SLC39A11: variants seen among roughly 807,000 people sequenced by gnomAD.
SLC39A11 encodes the protein zinc transporter ZIP11.
In SLC39A11, 33 loss-of-function variants were observed where a neutral mutation model predicts 36.1. The observed-to-expected ratio is 0.91, with a 90% CI of 0.69 to 1.22. SLC39A11 has a LOEUF of 1.22. Ranked by LOEUF, SLC39A11 falls within the 50% of genes most tolerant of loss-of-function variation. SLC39A11 has a pLI of 0.00. For synonymous variants in SLC39A11, 166 were observed against 170.3 expected, an observed-to-expected ratio of 0.97 and a Z score of 0.20; for missense variants, 432 against 430.3, an observed-to-expected ratio of 1.00 and a Z score of -0.03.
At chr17:72,871,927 C>T (rs1206556935) in intron 5 of SLC39A11, among the ~76,000 whole-genome samples, 4 of 152,126 alleles carry the variant, frequency 2.6e-5, no homozygotes, top group Non-Finnish European at 5.9e-5. Flanking sequence ...TCTGTGGGAC[C>T]TGTTGCTGTC....
chr17:72,954,592 G>A (rs1489581113), intron 4 of SLC39A11, among the ~76,000 whole-genome samples: 2 of 152,180 alleles, frequency 1.3e-5, no homozygotes. Flanking sequence ...AGACACACAA[G>A]GCAACGTTCA....
At chr17:72,987,119 C>T (rs2088823147) in intron 4 of SLC39A11, among the ~76,000 whole-genome samples, 2 of 152,170 alleles carry the variant, frequency 1.3e-5, no homozygotes, top group Admixed American at 1.3e-4. Context: ...CAGGAGAGCA[C>T]TGGTTGTTTG....
At chr17:72,729,408 TATATA>T (rs2074069327) in intron 7 of SLC39A11, among the ~76,000 whole-genome samples, 112 of 4,444 alleles carry the variant, frequency 0.025, 14 homozygotes, top group South Asian at 0.031. Context: ...TGGCTATTTA[TATATA>T]TATATATATA....
chr17:72,764,564 GACT>G (rs1234112759), intron 6 of SLC39A11, among the ~76,000 whole-genome samples: 1 of 151,990 alleles, frequency 6.6e-6, no homozygotes, highest in East Asian at 1.9e-4. Flanking sequence ...CCCTCTTTCT[GACT>G]CATGCAATAA....
At chr17:72,990,636 C>T (rs984039914) in intron 4 of SLC39A11, among the ~76,000 whole-genome samples, 2 of 152,108 alleles carry the variant, frequency 1.3e-5, no homozygotes, top group African/African-American at 4.8e-5. Flanking sequence ...CCATGTTGGC[C>T]AGGCTGGTCT....
chr17:72,987,930 G>T (rs1034253911), intron 4 of SLC39A11, among the ~76,000 whole-genome samples: 1 of 152,180 alleles, frequency 6.6e-6, no homozygotes, highest in African/African-American at 2.4e-5. Flanking sequence ...CTCTTGGCAT[G>T]AATGGTTTAA....
chr17:72,821,045 G>C (rs1253770249), intron 6 of SLC39A11, among the ~76,000 whole-genome samples: 2 of 151,012 alleles, frequency 1.3e-5, no homozygotes. Context: ...CAGATTGAAT[G>C]GTCTCTCCTC....
intron 4 of SLC39A11, among the ~76,000 whole-genome samples, chr17:73,029,684 C>T (rs1000713570): frequency 1.3e-5 from 2 of 151,898 alleles, no homozygotes; most frequent in African/African-American, 4.8e-5. Flanking sequence ...CAGGTTCAAG[C>T]GATTCTCATG....
At chr17:72,848,720 T>TA (rs35460918) in intron 6 of SLC39A11, among the ~76,000 whole-genome samples, 12,595 of 144,260 alleles carry the variant, frequency 0.087, 659 homozygotes, top group South Asian at 0.17. Flanking sequence ...GACTCTGTCT[T>TA]AAAAAAAAAA....
intron 7 of SLC39A11, among the ~76,000 whole-genome samples, chr17:72,681,476 C>G (rs2071506851): frequency 6.6e-6 from 1 of 152,192 alleles, no homozygotes; most frequent in Non-Finnish European, 1.5e-5. Context: ...CCAGTGGAGG[C>G]TGGTGGCAGG....
rs1454439560 is a variant in SLC39A11, at chr17:72,922,976, A to AAC, written c.430+24775_430+24776insGT. On this transcript the variant is annotated intron_variant, in intron 5 of 9. Transcript: ENST00000255559. ...ACTCCTTCTCAAAAAAAAAAAAAAA[A>AAC]AAAAAAAAAAAAAACACACAGAAAA... Among the ~76,000 whole-genome samples the AAC allele has an allele frequency of 6.7e-5, 10 of 148,748 alleles. 1 individual carries two copies. The highest frequency in any genetic ancestry group is 2.1e-4 in the South Asian group (1 of 4,660).
chr17:72,922,981 AAAAAAAAAAC>A (rs1225179567), intron 5 of SLC39A11, among the ~76,000 whole-genome samples: 4 of 145,844 alleles, frequency 2.7e-5, no homozygotes, highest in African/African-American at 5.2e-5. Flanking sequence ...AAAAAAAAAA[AAAAAAAAAAC>A]ACACAGAAAA....
chr17:72,989,279 G>C (rs1028237852), intron 4 of SLC39A11, among the ~76,000 whole-genome samples: 1 of 152,196 alleles, frequency 6.6e-6, no homozygotes, highest in Non-Finnish European at 1.5e-5. Context: ...GCCAGATCTT[G>C]GCTGTATTTC....
intron 5 of SLC39A11, among the ~76,000 whole-genome samples, chr17:72,856,616 G>A (rs2079652636): frequency 1.3e-5 from 2 of 152,020 alleles, no homozygotes; most frequent in South Asian, 2.1e-4. Context: ...CTTTCCTTAT[G>A]GAACTATGTA....
chr17:72,757,306 T>C (rs1406749887), intron 6 of SLC39A11, among the ~76,000 whole-genome samples: 2 of 152,160 alleles, frequency 1.3e-5, no homozygotes, highest in East Asian at 3.9e-4. Flanking sequence ...AGGAATCCCA[T>C]GAGCCAGGAC....
intron 4 of SLC39A11, among the ~76,000 whole-genome samples, chr17:72,986,037 T>TC (rs2088722474): frequency 6.6e-6 from 1 of 152,146 alleles, no homozygotes; most frequent in Non-Finnish European, 1.5e-5. Flanking sequence ...AGCTCATCCT[T>TC]CCCTGGAGCC....
chr17:72,728,961 C>T (rs1440270465), intron 7 of SLC39A11, among the ~76,000 whole-genome samples: 4 of 152,156 alleles, frequency 2.6e-5, no homozygotes, highest in African/African-American at 9.7e-5. Flanking sequence ...GGGATCAGTC[C>T]TCATTCTCAT....
intron 6 of SLC39A11, among the ~76,000 whole-genome samples, chr17:72,764,016 A>G (rs928590794): frequency 6.6e-6 from 1 of 151,924 alleles, no homozygotes; most frequent in Non-Finnish European, 1.5e-5. Context: ...GTACCCGAAT[A>G]AAGCTCGGTT....
At chr17:72,970,057 T>C (rs1161943525) in intron 4 of SLC39A11, among the ~76,000 whole-genome samples, 1 of 152,222 alleles carries the variant, frequency 6.6e-6, no homozygotes, top group Admixed American at 6.5e-5. Flanking sequence ...AGAGCACTTA[T>C]CTTTTGTTCC....
Sources: gnomAD v4.1 joint callset for allele counts (sites outside exome capture counted in the v4.1 genomes callset) on GRCh38, gnomAD v4.1.1 for gene constraint, MANE v1.5 for transcripts, NCBI Gene and HGNC (gene_info 2026-07-23, HGNC 2026-07-21) for gene names.